The following SKIC3 variants were observed in gnomAD, a reference collection of about 807,000 sequenced individuals.
SKIC3 encodes superkiller complex protein 3.
chr5:95,523,529 A>C, the SKIC3 span: 526 of 1,278,000 alleles, frequency 4.1e-4, 7 homozygotes, highest in Non-Finnish European at 4.1e-5. Flanking sequence ...ACAGAGGCAA[A>C]AATATTTATA....
At chr5:95,552,228 A>T in the SKIC3 span, among the ~76,000 whole-genome samples, 2 of 152,210 alleles carry the variant, frequency 1.3e-5, no homozygotes, top group Non-Finnish European at 2.9e-5. Flanking sequence ...ATCATCAAAC[A>T]TGAGTACCCT....
chr5:95,524,411 T>C, the SKIC3 span: 2 of 1,606,334 alleles, frequency 1.2e-6, no homozygotes, highest in South Asian at 2.2e-5. Context: ...GATTATTATT[T>C]ATGATTTTAT....
At chr5:95,523,931 G>T in the SKIC3 span, 1 of 1,258,692 alleles carries the variant, frequency 7.9e-7, no homozygotes, top group South Asian at 1.4e-5. Context: ...AAAGAAAAAA[G>T]AAATAATTTC....
the SKIC3 span, among the ~76,000 whole-genome samples, chr5:95,488,921 G>A: frequency 6.6e-6 from 1 of 152,224 alleles, no homozygotes; most frequent in African/African-American, 2.4e-5. Flanking sequence ...AACCTTGAAT[G>A]TAAATGAATT....
chr5:95,481,145 C>A, the SKIC3 span, among the ~76,000 whole-genome samples: 3 of 152,116 alleles, frequency 2.0e-5, no homozygotes, highest in Non-Finnish European at 4.4e-5. Flanking sequence ...CATACACACA[C>A]ACATGCAGTC....
chr5:95,507,037 T>G, the SKIC3 span: 1 of 1,594,296 alleles, frequency 6.3e-7, no homozygotes, highest in Non-Finnish European at 8.6e-7. Flanking sequence ...GTATTTTAAT[T>G]TATCTCTGTG....
At chr5:95,489,326 T>C in the SKIC3 span, among the ~76,000 whole-genome samples, 1 of 151,864 alleles carries the variant, frequency 6.6e-6, no homozygotes, top group Non-Finnish European at 1.5e-5. Flanking sequence ...TGATTATGTG[T>C]GCTTACGTGT....
At chr5:95,541,416 T>A in the SKIC3 span, 1 of 1,594,770 alleles carries the variant, frequency 6.3e-7, no homozygotes, top group East Asian at 2.2e-5. Context: ...CACAAAAGGA[T>A]TTTGAATCTG....
chr5:95,468,830 G>A, the SKIC3 span, among the ~76,000 whole-genome samples: 2 of 152,152 alleles, frequency 1.3e-5, no homozygotes, highest in Non-Finnish European at 2.9e-5. Context: ...AGGGGGTGAA[G>A]GGGAGATAGT....
the SKIC3 span, chr5:95,537,187 A>G: frequency 6.8e-7 from 1 of 1,466,522 alleles, no homozygotes; most frequent in African/African-American, 1.4e-5. Flanking sequence ...CTTAAATGAC[A>G]AATGATTAAA....
the SKIC3 span, among the ~76,000 whole-genome samples, chr5:95,502,111 C>T: frequency 6.6e-6 from 1 of 152,036 alleles, no homozygotes; most frequent in Non-Finnish European, 1.5e-5. Flanking sequence ...CATCTCCATC[C>T]CCCCACCTTT....
the SKIC3 span, among the ~76,000 whole-genome samples, chr5:95,482,291 A>T: frequency 2.3e-3 from 344 of 152,358 alleles, 1 homozygote; most frequent in African/African-American, 7.9e-3. Flanking sequence ...ATTGTAGCAG[A>T]TCCAAAACTA....
the SKIC3 span, chr5:95,513,014 G>C: frequency 4.5e-6 from 1 of 220,914 alleles, no homozygotes; most frequent in Non-Finnish European, 9.0e-6. Context: ...TAGAGTCTCA[G>C]TTTCTATTCT....
chr5:95,518,808 T>G, the SKIC3 span, among the ~76,000 whole-genome samples: 1 of 152,094 alleles, frequency 6.6e-6, no homozygotes, highest in African/African-American at 2.4e-5. Flanking sequence ...TGATTTTCTT[T>G]CCTTTGGATA....
At chr5:95,530,739 C>T in the SKIC3 span, among the ~76,000 whole-genome samples, 1 of 152,190 alleles carries the variant, frequency 6.6e-6, no homozygotes, top group Non-Finnish European at 1.5e-5. Context: ...TTTACCAGTA[C>T]ATTTCCACAT....
chr5:95,511,411 T>C, the SKIC3 span, among the ~76,000 whole-genome samples: 1 of 152,118 alleles, frequency 6.6e-6, no homozygotes, highest in Admixed American at 6.5e-5. Context: ...AGACTCCGTC[T>C]CAAAAAATAA....
At chr5:95,552,896 A>T in the SKIC3 span, among the ~76,000 whole-genome samples, 1 of 152,154 alleles carries the variant, frequency 6.6e-6, no homozygotes, top group Admixed American at 6.5e-5. Flanking sequence ...TGGGGGAAGG[A>T]CTGTTGAAAG....
the SKIC3 span, among the ~76,000 whole-genome samples, chr5:95,493,241 T>C: frequency 6.6e-6 from 1 of 152,202 alleles, no homozygotes; most frequent in Non-Finnish European, 1.5e-5. Flanking sequence ...TAAGGACAAG[T>C]CTCAAACAGG....
the SKIC3 span, among the ~76,000 whole-genome samples, chr5:95,500,469 C>A: frequency 6.6e-6 from 1 of 152,162 alleles, no homozygotes; most frequent in African/African-American, 2.4e-5. Flanking sequence ...TGTATCCCCC[C>A]TTCTTTAACA....
Sources: allele counts gnomAD v4.1 joint callset (sites outside exome capture counted in the v4.1 genomes callset), GRCh38; gene constraint gnomAD v4.1.1; transcripts MANE v1.5; gene names NCBI Gene and HGNC (gene_info 2026-07-23, HGNC 2026-07-21).